PPIL2: variants seen among roughly 807,000 people sequenced by gnomAD.
PPIL2 encodes the protein RING-type E3 ubiquitin-protein ligase PPIL2.
A neutral mutation model predicts 75.2 loss-of-function variants in PPIL2; 50 were observed. The observed-to-expected ratio is 0.66, with a 90% CI of 0.53 to 0.84. PPIL2 has a LOEUF of 0.84. Among genes scored for constraint, PPIL2 ranks in the 40% least tolerant of loss-of-function variants. The pLI is 0.00. For missense variants in PPIL2, 590 were observed against 685.0 expected (o/e 0.86, Z 1.55); for synonymous variants, 245 against 258.8 (o/e 0.95, Z 0.51).
In PPIL2 at chr22:21,695,976, T is replaced by A; in HGVS notation, c.*486T>A. On this transcript the variant is annotated 3_prime_UTR_variant, in exon 20 of 20. Coordinates refer to ENST00000398831, the MANE Select transcript of PPIL2 (RefSeq NM_014337.4). ...AGCTGGGACTACAGCCGTGCACCAC[T>A]ACATCCAGCTGTATATGTCTGGTTT... 2 of 535,790 alleles carry A rather than the reference T, an allele frequency of 3.7e-6. No homozygotes were observed. Among genetic ancestry groups the A allele is most frequent in the Non-Finnish European group, 4.9e-6 (2 of 408,178 alleles). 33.2% of individuals were successfully genotyped at this position (535,790 alleles called of 1,614,324 possible).
intron 15 of PPIL2, 142 bp from the exon 16 acceptor site, chr22:21,693,674 G>A (rs1014412033): frequency 1.2e-6 from 1 of 853,398 alleles, no homozygotes; most frequent in Admixed American, 1.9e-5. Context: ...GCAGCGCAGG[G>A]AACCACGTGC....
At chr22:21,668,277 TC>T (rs1396142266) in intron 1 of PPIL2, among the ~76,000 whole-genome samples, 2 of 151,842 alleles carry the variant, frequency 1.3e-5, no homozygotes. Context: ...CCTTGTTATA[TC>T]CCCCTCCCTT....
Position 21,694,792 on chromosome 22 carries a change from ACCCCTATGAGGAGG to A in PPIL2, c.1310_1323del (p.Pro437ArgfsTer138), listed in dbSNP as rs1569048480. The A allele has an allele frequency of 6.2e-7, 1 of 1,606,768 alleles. No homozygotes were observed. The highest frequency in any genetic ancestry group is 8.5e-7 in the Non-Finnish European group (1 of 1,175,152). On this transcript the variant is annotated frameshift_variant, in exon 18 of 20. Transcript: ENST00000398831. LOFTEE classifies it high-confidence loss of function. ...ATTGATGCCACTACAGTGTTCGTGG[ACCCCTATGAGGAGG>A]CCGATGCCCAGGTGAGGGGGCACGA...
intron 1 of PPIL2, among the ~76,000 whole-genome samples, chr22:21,666,376 C>T (rs184806870): frequency 6.6e-6 from 1 of 152,336 alleles, no homozygotes; most frequent in Non-Finnish European, 1.5e-5. Context: ...TTTCCTTACT[C>T]TGGTTCTGCC....
At chr22:21,677,899 C>T (rs1399033993) in intron 6 of PPIL2, among the ~76,000 whole-genome samples, 4 of 152,148 alleles carry the variant, frequency 2.6e-5, no homozygotes, top group African/African-American at 9.7e-5. Flanking sequence ...CGCCCTGACC[C>T]GCTGCAGGGA....
chr22:21,696,745 A>G lies in PPIL2; in HGVS notation c.*1255A>G. The G allele has an allele frequency of 6.5e-7, 1 of 1,539,894 alleles. No individual in the cohort carries two copies. The highest frequency in any genetic ancestry group is 1.2e-5 in the South Asian group (1 of 84,042). ...TGTTGCCCCAAATCTTGAACCTGTC[A>G]GCAACTTGCAGGCTGTACCTCTGCC... On this transcript the variant is annotated 3_prime_UTR_variant, in exon 20 of 20. Transcript: ENST00000398831.
intron 15 of PPIL2, among the ~76,000 whole-genome samples, chr22:21,692,294 T>C (rs959555821): frequency 1.3e-5 from 2 of 151,990 alleles, no homozygotes; most frequent in Non-Finnish European, 2.9e-5. Context: ...TAGCTGGGAC[T>C]ACAGGCGCCC....
At chr22:21,693,131 T>C (rs2067754925) in intron 15 of PPIL2, among the ~76,000 whole-genome samples, 1 of 152,064 alleles carries the variant, frequency 6.6e-6, no homozygotes, top group African/African-American at 2.4e-5. Flanking sequence ...TACTGCAACC[T>C]CTGCCTCCCA....
Position 21,695,433 on chromosome 22 carries a change from T to C in PPIL2, c.1506T>C (p.Thr502=). 1 of 1,610,762 alleles carries C rather than the reference T, an allele frequency of 6.2e-7. No individual in the cohort carries two copies. Among genetic ancestry groups the C allele is most frequent in the East Asian group, 2.2e-5 (1 of 44,832 alleles). The change falls in exon 20 of 20, where the codon ACT becomes ACC. Residue 502 remains threonine (T), a synonymous_variant. Transcript: ENST00000398831. Reference sequence around the variant, plus strand: ...AGGAAGAGCCCTCAACCAGTGCCACTGTCCCCATGTCCAAGAAGAAGCCCA... The same window carrying C: ...AGGAAGAGCCCTCAACCAGTGCCACCGTCCCCATGTCCAAGAAGAAGCCCA... ...AAEEEPSTSA[T]VPMSKKKPSR...
Position 21,694,822 on chromosome 22 carries a change from G to A in PPIL2, c.1332+5G>A, listed in dbSNP as rs1447564557. On this transcript the variant is annotated splice_donor_5th_base_variant and intron_variant, in intron 18 of 19. Transcript: ENST00000398831. ...TATGAGGAGGCCGATGCCCAGGTGAGGGGGCACGATGCCACCACCTAGGAG... is the reference window on the plus strand; with the variant it reads ...TATGAGGAGGCCGATGCCCAGGTGAAGGGGCACGATGCCACCACCTAGGAG... 3.1e-6 allele frequency: 5 copies of A among 1,596,588 alleles called. No homozygotes were observed. Among genetic ancestry groups the A allele is most frequent in the Non-Finnish European group, 4.3e-6 (5 of 1,169,080 alleles).
At chr22:21,679,740 T>G (rs1356324615) in intron 6 of PPIL2, among the ~76,000 whole-genome samples, 1 of 151,408 alleles carries the variant, frequency 6.6e-6, no homozygotes, top group Non-Finnish European at 1.5e-5. Flanking sequence ...AACTTGAGGC[T>G]CTAACTAATT....
intron 15 of PPIL2, among the ~76,000 whole-genome samples, chr22:21,689,625 T>C (rs2067536034): frequency 1.3e-5 from 1 of 74,220 alleles, no homozygotes; most frequent in Non-Finnish European, 3.5e-5. Flanking sequence ...GTCACGCTTA[T>C]CACCAAAAGC....
At chr22:21,681,233 G>C in intron 6 of PPIL2, 66 bp from the exon 7 acceptor site, 1 of 1,335,476 alleles carries the variant, frequency 7.5e-7, no homozygotes, top group Middle Eastern at 1.8e-4. Flanking sequence ...GGCCCTCTGC[G>C]GTCCTCACTG....
At position 21,694,728 on chromosome 22, in the gene PPIL2, C is replaced by T. The variant is rs199986324; in HGVS notation, c.1270-27C>T. 2.5e-3 allele frequency: 3,980 copies of T among 1,611,258 alleles called. 5 individuals are homozygous for T. The highest frequency in any genetic ancestry group is 3.0e-3 in the Non-Finnish European group (3,544 of 1,178,624). On this transcript the variant is annotated intron_variant, in intron 17 of 19. Coordinates refer to ENST00000398831, the MANE Select transcript of PPIL2 (RefSeq NM_014337.4). ...CCAGGCAGGCAGGGGGAGGACCTGC[C>T]GTGCACTGAGCCCCCTTTGCTGCTA... is the stretch of plus-strand genomic sequence containing the variant.
At chr22:21,666,856 C>A (rs1331964093) in intron 1 of PPIL2, among the ~76,000 whole-genome samples, 1 of 152,096 alleles carries the variant, frequency 6.6e-6, no homozygotes, top group Admixed American at 6.6e-5. Flanking sequence ...CCGTGCCCCA[C>A]GTCCCACGTT....
At chr22:21,684,199 C>A (rs1028365847) in intron 9 of PPIL2, among the ~76,000 whole-genome samples, 3 of 151,306 alleles carry the variant, frequency 2.0e-5, no homozygotes, top group Non-Finnish European at 4.4e-5. Flanking sequence ...AGAGCTAGAC[C>A]CTGTCTCAAA....
chr22:21,681,478 G>C, intron 7 of PPIL2, 88 bp downstream of exon 7: 1 of 1,202,730 alleles, frequency 8.3e-7, no homozygotes, highest in East Asian at 2.4e-5. Flanking sequence ...TGTGTGCTAC[G>C]TGTACGGCCT....
rs1050770790 is a variant in PPIL2, at chr22:21,682,349, T to C, written c.388-88T>C. The C allele has an allele frequency of 2.6e-6, 3 of 1,134,904 alleles. No homozygotes were observed. In the African/African-American group the frequency reaches 4.6e-5, roughly 17 times the overall value. 70.3% of individuals were successfully genotyped at this position (1,134,904 alleles called of 1,614,324 possible). A position where few individuals can be genotyped will look rare whatever the true frequency, so the allele number is the denominator to read the frequency against. ...TCATGCCTCTCAAATCGTGCCATGG[T>C]CGGGGCCAGCTCCAGGCCTCCCTGC... On this transcript the variant is annotated intron_variant, in intron 7 of 19. Transcript: ENST00000398831.
chr22:21,669,594 G>C (rs1453176125), intron 1 of PPIL2, among the ~76,000 whole-genome samples: 1 of 152,050 alleles, frequency 6.6e-6, no homozygotes, highest in South Asian at 2.1e-4. Flanking sequence ...TCCGCCTCCC[G>C]GGATCAAGCA....
Sources: allele counts gnomAD v4.1 joint callset (sites outside exome capture counted in the v4.1 genomes callset), GRCh38; gene constraint gnomAD v4.1.1; transcripts MANE v1.5; gene names NCBI Gene and HGNC (gene_info 2026-07-23, HGNC 2026-07-21).